FNTA: variants seen among roughly 807,000 people sequenced by gnomAD.
FNTA encodes the protein protein farnesyltransferase/geranylgeranyltransferase type-1 subunit alpha.
In FNTA, 27 loss-of-function variants were observed where a neutral mutation model predicts 55.2. That is an observed-to-expected ratio of 0.49 (90% confidence interval 0.36 to 0.67). The LOEUF (loss-of-function observed/expected upper bound fraction) is 0.67, where lower values mean the gene tolerates loss of function less well. Ranked by LOEUF, FNTA falls within the 30% of genes least tolerant of loss-of-function variation. The pLI, the probability that FNTA is intolerant of heterozygous loss-of-function variation, is 0.00. For missense variants in FNTA, 422 were observed against 464.7 expected (o/e 0.91, Z 0.85); for synonymous variants, 176 against 170.7 (o/e 1.03, Z -0.24).
chr8:43,072,232 T>A lies in FNTA; in HGVS notation c.558T>A (p.Leu186=). 6.3e-7 allele frequency: 1 copy of A among 1,592,456 alleles called. No homozygotes were observed. The highest frequency in any genetic ancestry group is 8.6e-7 in the Non-Finnish European group (1 of 1,168,832). ...VEWLRDPSQE[L]EFIADILNQD... is the part of the protein sequence containing the mutation. ...GGCTAAGAGATCCATCTCAGGAGCT[T>A]GAATTTATTGCTGATATTCTTAATC... The change falls in exon 5 of 9, where the codon CTT becomes CTA. Residue 186 remains leucine, a synonymous_variant. Coordinates refer to ENST00000302279, the MANE Select transcript of FNTA (RefSeq NM_002027.3).
Position 43,056,506 on chromosome 8 carries a change from G to T in FNTA, c.160G>T (p.Gly54Trp). 6.4e-7 allele frequency: 1 copy of T among 1,567,644 alleles called. No individual in the cohort carries two copies. Among genetic ancestry groups the T allele is most frequent in the Non-Finnish European group, 8.6e-7 (1 of 1,160,550 alleles). Residue 54 changes from glycine (G) to tryptophan (W), a missense_variant, in exon 1 of 9, where the codon GGG (glycine) becomes TGG (tryptophan). Around this residue, in one of 2 missense-constraint regions of FNTA, gnomAD observed 160 missense variants for 121.6 expected, o/e 1.32. Transcript: ENST00000302279. ...GEAVASPMDD[G>W]FVSLDSPSYV... is the part of the protein sequence containing the mutation. ...AGCCGTGGCGTCCCCCATGGACGAC[G>T]GGTTTGTGAGCCTGGACTCGCCCTC... is the stretch of plus-strand genomic sequence containing the variant.
chr8:43,074,454 G>T (rs1382807822), intron 5 of FNTA, among the ~76,000 whole-genome samples: 1 of 152,150 alleles, frequency 6.6e-6, no homozygotes, highest in Non-Finnish European at 1.5e-5. Flanking sequence ...GAGCCCAAGA[G>T]GTGGAGGCTG....
intron 3 of FNTA, among the ~76,000 whole-genome samples, chr8:43,067,830 G>A (rs1441840804): frequency 6.6e-6 from 1 of 151,804 alleles, no homozygotes; most frequent in African/African-American, 2.4e-5. Context: ...AGTGATTCTC[G>A]TGCTGCAGTG....
At chr8:43,083,075 TGCAC>T in intron 6 of FNTA, 39 bp from the exon 7 acceptor site, 1 of 1,203,814 alleles carries the variant, frequency 8.3e-7, no homozygotes, top group Non-Finnish European at 1.2e-6. Flanking sequence ...GTCTCATCAT[TGCAC>T]TGTTCTTTTA....
intron 5 of FNTA, among the ~76,000 whole-genome samples, chr8:43,073,848 C>T (rs1194074531): frequency 6.6e-6 from 1 of 152,098 alleles, no homozygotes; most frequent in African/African-American, 2.4e-5. Flanking sequence ...TTATCCAGCC[C>T]ATACTTTCAG....
intron 3 of FNTA, among the ~76,000 whole-genome samples, chr8:43,066,423 A>AT (rs1177101927): frequency 1.3e-5 from 2 of 150,118 alleles, no homozygotes; most frequent in Non-Finnish European, 2.9e-5. Context: ...CTCCCAGCTA[A>AT]TTTTTTTGTA....
intron 2 of FNTA, among the ~76,000 whole-genome samples, chr8:43,060,122 C>T (rs1473405228): frequency 2.0e-5 from 3 of 152,130 alleles, no homozygotes; most frequent in African/African-American, 7.2e-5. Flanking sequence ...ATGTAAACCT[C>T]AGAATCGATT....
intron 7 of FNTA, 70 bp from the exon 8 acceptor site, chr8:43,084,640 T>C: frequency 1.6e-6 from 2 of 1,239,758 alleles, no homozygotes; most frequent in Non-Finnish European, 2.3e-6. Flanking sequence ...GTTTATTTTC[T>C]CTTGATCTTT....
At chr8:43,076,695 T>C (rs1483111777) in intron 5 of FNTA, 1 of 152,176 alleles carries the variant, frequency 6.6e-6, no homozygotes, top group African/African-American at 2.4e-5. Flanking sequence ...CTGACCAACG[T>C]GGAGAAACCC....
chr8:43,060,917 G>A (rs1305225387), intron 2 of FNTA, among the ~76,000 whole-genome samples: 1 of 152,100 alleles, frequency 6.6e-6, no homozygotes, highest in Non-Finnish European at 1.5e-5. Flanking sequence ...AGGAGACAGA[G>A]AGTTTAATCA....
chr8:43,077,181 T>A (rs1295424701), intron 5 of FNTA, 35 bp from the exon 6 acceptor site: 2 of 1,483,586 alleles, frequency 1.3e-6, no homozygotes, highest in Non-Finnish European at 1.8e-6. Context: ...ATGGGACATT[T>A]CTAATTGGAT....
chr8:43,071,822 G>A (rs953544779), intron 4 of FNTA, among the ~76,000 whole-genome samples: 5 of 152,098 alleles, frequency 3.3e-5, no homozygotes, highest in African/African-American at 9.7e-5. Context: ...CTTGTTTGAT[G>A]ACACTTTGCA....
intron 6 of FNTA, chr8:43,082,532 A>G (rs1329678988): frequency 1.3e-5 from 2 of 152,232 alleles, no homozygotes; most frequent in African/African-American, 4.8e-5. Flanking sequence ...TCAAAAGGAA[A>G]ATCTTCCATA....
intron 3 of FNTA, among the ~76,000 whole-genome samples, chr8:43,068,878 G>C (rs62517585): frequency 2.0e-5 from 3 of 151,578 alleles, no homozygotes; most frequent in Non-Finnish European, 2.9e-5. Flanking sequence ...TCGCCCAACT[G>C]ATTTTGCATT....
chr8:43,069,740 G>A, intron 4 of FNTA, 81 bp downstream of exon 4: 1 of 798,406 alleles, frequency 1.3e-6, no homozygotes, highest in Non-Finnish European at 2.1e-6. Context: ...TGCCTCCTGG[G>A]TTCAAGTGAT....
chr8:43,067,800 A>G (rs1488230106), intron 3 of FNTA, among the ~76,000 whole-genome samples: 3 of 151,910 alleles, frequency 2.0e-5, no homozygotes, highest in African/African-American at 4.8e-5. Context: ...GCTCACTGCA[A>G]CCTCCGTCAC....
At chr8:43,069,424 A>G in intron 3 of FNTA, 131 bp from the exon 4 acceptor site, 1 of 623,680 alleles carries the variant, frequency 1.6e-6, no homozygotes. Context: ...TTGGCCTATA[A>G]TTGTTAAATT....
chr8:43,079,730 T>A (rs900133450), intron 6 of FNTA: 3 of 152,220 alleles, frequency 2.0e-5, no homozygotes, highest in Non-Finnish European at 4.4e-5. Flanking sequence ...CCATAGATAG[T>A]GATTCCTCCA....
chr8:43,058,325 A>G (rs1038998892), intron 1 of FNTA, among the ~76,000 whole-genome samples: 2 of 152,226 alleles, frequency 1.3e-5, no homozygotes, highest in African/African-American at 4.8e-5. Flanking sequence ...TGTCTTATTA[A>G]TGATCACCTG....
Sources: gnomAD v4.1 joint callset for allele counts (sites outside exome capture counted in the v4.1 genomes callset) on GRCh38, gnomAD v4.1.1 for gene constraint, gnomAD v4.1.1 regional missense constraint, MANE v1.5 for transcripts, NCBI Gene and HGNC (gene_info 2026-07-23, HGNC 2026-07-21) for gene names.